The following TSHZ2 variants were observed in gnomAD, a reference collection of about 807,000 sequenced individuals.
TSHZ2 encodes the protein teashirt homolog 2.
In TSHZ2, 21 loss-of-function variants were observed where a neutral mutation model predicts 74.4. The observed-to-expected ratio is 0.28, with a 90% confidence interval of 0.20 to 0.41. TSHZ2 has a LOEUF of 0.41. Among genes scored for constraint, TSHZ2 ranks in the 10% least tolerant of loss-of-function variants. The pLI is 1.00. For synonymous variants in TSHZ2, 540 were observed against 515.3 expected, an observed-to-expected ratio of 1.05 and a Z score of -0.65; for missense variants, 1,244 against 1,293.5, an observed-to-expected ratio of 0.96 and a Z score of 0.59.
chr20:53,143,422 G>A (rs547571481), intron 1 of TSHZ2, among the ~76,000 whole-genome samples: 4 of 152,144 alleles, frequency 2.6e-5, no homozygotes, highest in African/African-American at 4.8e-5. Context: ...GGCCGGGCGC[G>A]GTGGCTCACG....
chr20:53,070,294 C>T (rs1985129792), intron 1 of TSHZ2, among the ~76,000 whole-genome samples: 2 of 152,084 alleles, frequency 1.3e-5, no homozygotes, highest in East Asian at 1.9e-4. Flanking sequence ...TGAGAGAATC[C>T]ACAAGATTTA....
Position 53,495,087 on chromosome 20 carries a change from C to T in TSHZ2, c.*7952C>T, listed in dbSNP as rs1309310111. The T allele has an allele frequency of 6.6e-6, 1 of 151,980 alleles. No individual in the cohort carries two copies. Among genetic ancestry groups the T allele is most frequent in the Non-Finnish European group, 1.5e-5 (1 of 68,012 alleles). The allele number at this position is 151,980 out of a possible 1,614,324, so 9.4% of individuals were successfully genotyped here. A position where few individuals can be genotyped will look rare whatever the true frequency, so the allele number is the denominator to read the frequency against. On this transcript the variant is annotated 3_prime_UTR_variant, in exon 3 of 3. Coordinates refer to ENST00000371497, the MANE Select transcript of TSHZ2 (RefSeq NM_173485.6). The stretch of plus-strand genomic sequence containing the variant: ...TCAACACCATTAGCTTTGCAAATGG[C>T]TTCATTTCAGTCAACGTCGACTTCT...
intron 1 of TSHZ2, among the ~76,000 whole-genome samples, chr20:53,144,990 G>A (rs1245455277): frequency 2.0e-5 from 3 of 152,026 alleles, no homozygotes; most frequent in East Asian, 1.9e-4. Flanking sequence ...AGGAAACAAC[G>A]GCAAAATTAA....
chr20:52,984,510 G>A (rs528777430), intron 1 of TSHZ2, among the ~76,000 whole-genome samples: 2 of 152,290 alleles, frequency 1.3e-5, no homozygotes, highest in African/African-American at 4.8e-5. Context: ...AAAATCCGGG[G>A]CTAGAGCTAC....
intron 1 of TSHZ2, among the ~76,000 whole-genome samples, chr20:53,182,818 G>C (rs73620426): frequency 0.052 from 7,912 of 152,018 alleles, 289 homozygotes; most frequent in East Asian, 0.099. Context: ...CTTTGAACAG[G>C]GATACAGCCT....
At chr20:53,443,567 G>A (rs896107381) in intron 2 of TSHZ2, among the ~76,000 whole-genome samples, 1 of 152,202 alleles carries the variant, frequency 6.6e-6, no homozygotes, top group Non-Finnish European at 1.5e-5. Context: ...CCTTGATTAA[G>A]CTACCTAGCC....
chr20:53,148,874 A>G (rs542779514), intron 1 of TSHZ2, among the ~76,000 whole-genome samples: 122 of 152,210 alleles, frequency 8.0e-4, no homozygotes, highest in African/African-American at 2.8e-3. Flanking sequence ...GCTCGGGTTG[A>G]CTCACTTTTT....
chr20:53,160,199 A>G (rs1987896123), intron 1 of TSHZ2, among the ~76,000 whole-genome samples: 1 of 152,196 alleles, frequency 6.6e-6, no homozygotes, highest in Non-Finnish European at 1.5e-5. Flanking sequence ...ATCTCTGACC[A>G]TACTGGGCTA....
intron 1 of TSHZ2, among the ~76,000 whole-genome samples, chr20:53,128,981 C>A (rs1048962808): frequency 1.3e-5 from 2 of 152,070 alleles, no homozygotes; most frequent in Non-Finnish European, 2.9e-5. Flanking sequence ...CTCTGTTGAG[C>A]ACTTTGGTAA....
At chr20:53,144,790 G>T (rs1474324666) in intron 1 of TSHZ2, among the ~76,000 whole-genome samples, 1 of 151,768 alleles carries the variant, frequency 6.6e-6, no homozygotes, top group Non-Finnish European at 1.5e-5. Context: ...ACTGACTCAA[G>T]ATTCATGCCA....
At chr20:53,221,228 C>T (rs6063918) in intron 1 of TSHZ2, among the ~76,000 whole-genome samples, 5 of 152,138 alleles carry the variant, frequency 3.3e-5, no homozygotes, top group Admixed American at 2.6e-4. Flanking sequence ...AGGCCCCCCC[C>T]GCCATGTAGA....
At chr20:53,470,217 G>A (rs1171044080) in intron 2 of TSHZ2, among the ~76,000 whole-genome samples, 2 of 152,172 alleles carry the variant, frequency 1.3e-5, no homozygotes, top group Non-Finnish European at 2.9e-5. Context: ...TCACCCACAT[G>A]AAGCTGTGTC....
At chr20:53,114,098 G>GAA (rs3971634) in intron 1 of TSHZ2, among the ~76,000 whole-genome samples, 84 of 120,492 alleles carry the variant, frequency 7.0e-4, no homozygotes, top group African/African-American at 2.4e-3. Context: ...TGTCTCTTAT[G>GAA]AAAAAAAAAA....
intron 1 of TSHZ2, among the ~76,000 whole-genome samples, chr20:52,980,143 A>T (rs1451022235): frequency 6.6e-6 from 1 of 152,228 alleles, no homozygotes; most frequent in African/African-American, 2.4e-5. Context: ...ATGCAAACCA[A>T]AAGAAAAACC....
chr20:53,173,789 G>T (rs371914457), intron 1 of TSHZ2, among the ~76,000 whole-genome samples: 48 of 152,240 alleles, frequency 3.2e-4, no homozygotes, highest in Middle Eastern at 3.4e-3. Context: ...TCATGTTCTG[G>T]AAAGATATGA....
chr20:52,994,731 G>A (rs531786965), intron 1 of TSHZ2, among the ~76,000 whole-genome samples: 1 of 152,116 alleles, frequency 6.6e-6, no homozygotes, highest in South Asian at 2.1e-4. Flanking sequence ...ATTTTTCCCT[G>A]GTTGGCCACT....
At chr20:53,464,654 A>G (rs1048372998) in intron 2 of TSHZ2, among the ~76,000 whole-genome samples, 1 of 152,076 alleles carries the variant, frequency 6.6e-6, no homozygotes, top group African/African-American at 2.4e-5. Flanking sequence ...CTTTTTGTAG[A>G]GACAGGGTCT....
intron 1 of TSHZ2, among the ~76,000 whole-genome samples, chr20:53,136,772 G>T (rs113334378): frequency 3.0e-4 from 45 of 151,948 alleles, no homozygotes; most frequent in Non-Finnish European, 5.2e-4. Context: ...CCAAAGAAAG[G>T]CATCACATTA....
chr20:53,139,053 G>A (rs1330875741), intron 1 of TSHZ2, among the ~76,000 whole-genome samples: 1 of 152,202 alleles, frequency 6.6e-6, no homozygotes, highest in Non-Finnish European at 1.5e-5. Context: ...AAGTTGTTCT[G>A]ACAGTGTTTC....
Sources: allele counts gnomAD v4.1 joint callset (sites outside exome capture counted in the v4.1 genomes callset), GRCh38; gene constraint gnomAD v4.1.1; transcripts MANE v1.5; gene names NCBI Gene and HGNC (gene_info 2026-07-23, HGNC 2026-07-21).